The following RYR2 variants were observed in gnomAD, a reference collection of about 807,000 sequenced individuals.
RYR2 encodes the protein ryanodine receptor 2, also known as cardiac muscle ryanodine receptor-calcium release channel.
Under a neutral mutation model 601.1 loss-of-function variants are expected in RYR2, and 227 were observed. The observed-to-expected ratio is 0.38, with a 90% CI of 0.34 to 0.42. RYR2 has a LOEUF of 0.42. Ranked by LOEUF, RYR2 falls within the 10% of genes least tolerant of loss-of-function variation. RYR2 has a pLI of 1.00. For missense variants in RYR2, 4,646 were observed against 6,156.5 expected (o/e 0.75, Z 8.21); for synonymous variants, 2,223 against 2,175.1 (o/e 1.02, Z -0.61).
intron 96 of RYR2, among the ~76,000 whole-genome samples, chr1:237,797,113 C>T (rs1006443254): frequency 2.6e-5 from 4 of 151,036 alleles, no homozygotes; most frequent in Admixed American, 1.3e-4. Context: ...AAGACTCACT[C>T]AGGAGGTATA....
chr1:237,410,407 C>G (rs977864061), intron 10 of RYR2, among the ~76,000 whole-genome samples: 1 of 152,050 alleles, frequency 6.6e-6, no homozygotes, highest in East Asian at 1.9e-4. Flanking sequence ...ATGAAAGACC[C>G]TAGACCCTGG....
At chr1:237,775,966 T>G (rs933260530) in intron 87 of RYR2, among the ~76,000 whole-genome samples, 11 of 152,230 alleles carry the variant, frequency 7.2e-5, no homozygotes, top group African/African-American at 2.7e-4. Flanking sequence ...GGCTTGCAAC[T>G]CTGTCACATG....
chr1:237,392,944 A>C (rs1033946827), intron 10 of RYR2, among the ~76,000 whole-genome samples: 1 of 152,206 alleles, frequency 6.6e-6, no homozygotes, highest in Non-Finnish European at 1.5e-5. Context: ...TTATTTTCTC[A>C]AGAAGTTTAC....
intron 28 of RYR2, among the ~76,000 whole-genome samples, chr1:237,567,028 T>C (rs949442085): frequency 2.6e-5 from 4 of 152,308 alleles, no homozygotes; most frequent in Non-Finnish European, 5.9e-5. Flanking sequence ...TATCAAAATG[T>C]TAAAGATACA....
intron 77 of RYR2, among the ~76,000 whole-genome samples, chr1:237,731,296 T>C (rs1328140652): frequency 6.6e-6 from 1 of 152,112 alleles, no homozygotes; most frequent in African/African-American, 2.4e-5. Flanking sequence ...TTGGATGTAA[T>C]TGAATTCTGC....
chr1:237,454,274 C>A, intron 14 of RYR2, 117 bp from the exon 15 acceptor site: 2 of 1,021,628 alleles, frequency 2.0e-6, no homozygotes, highest in Non-Finnish European at 2.8e-6. Flanking sequence ...ACCTTTCTGA[C>A]ATGTCCCTTT....
At chr1:237,519,515 G>A (rs1261543187) in intron 24 of RYR2, among the ~76,000 whole-genome samples, 1 of 152,120 alleles carries the variant, frequency 6.6e-6, no homozygotes, top group Non-Finnish European at 1.5e-5. Flanking sequence ...AGTTTTCCCA[G>A]CAACATGTAT....
chr1:237,086,919 G>T (rs1666396825), intron 1 of RYR2, among the ~76,000 whole-genome samples: 1 of 152,172 alleles, frequency 6.6e-6, no homozygotes, highest in African/African-American at 2.4e-5. Context: ...TATCCCCGGA[G>T]GAACATGAAC....
In RYR2 at chr1:237,773,513, T is replaced by C. The variant is rs771126125; in HGVS notation, c.11647-7T>C. ...TGATAATAAATAATATCATCTCTAT[T>C]TCCCAGGAATCAATTAGTGACTTTT... On this transcript the variant is annotated splice_region_variant and splice_polypyrimidine_tract_variant and intron_variant, in intron 86 of 104. Coordinates refer to ENST00000366574, the MANE Select transcript of RYR2 (RefSeq NM_001035.3). The C allele has an allele frequency of 2.4e-5, 38 of 1,572,176 alleles. 3 individuals carry two copies. In the South Asian group the frequency reaches 4.2e-4, roughly 17 times the overall value.
rs2149943394 is a variant in RYR2, at chr1:237,402,814, CTCTATT to C, written c.774-14234_774-14229del. 9.1e-4 allele frequency among the ~76,000 whole-genome samples: 10 copies of C among 10,968 alleles called. No homozygotes were observed. In the South Asian group the frequency reaches 0.067, roughly 74 times the overall value. The allele number at this position is 10,968 out of a possible 152,430, so 7.2% of individuals were successfully genotyped here. On this transcript the variant is annotated intron_variant, in intron 10 of 104. Transcript: ENST00000366574. ...ATAGTCCCTGAGACTCAGAGTCTTA[CTCTATT>C]GGGCAGGCTGGAGTACAGCGGTGAA...
chr1:237,652,932 A>G (rs541593987), intron 51 of RYR2, among the ~76,000 whole-genome samples: 2 of 152,326 alleles, frequency 1.3e-5, no homozygotes, highest in East Asian at 3.9e-4. Flanking sequence ...ATATTTTAAC[A>G]GTAAGACATG....
At chr1:237,406,672 A>T (rs1366782262) in intron 10 of RYR2, among the ~76,000 whole-genome samples, 1 of 152,020 alleles carries the variant, frequency 6.6e-6, no homozygotes, top group Non-Finnish European at 1.5e-5. Flanking sequence ...GTATTACTAT[A>T]TTAGTATTTG....
Position 237,666,556 on chromosome 1 carries a change from C to T in RYR2, c.8481C>T (p.Asp2827=). 2 of 1,612,790 alleles carry T rather than the reference C, an allele frequency of 1.2e-6. No homozygotes were observed. The highest frequency in any genetic ancestry group is 1.7e-6 in the Non-Finnish European group (2 of 1,179,386). ...ATGGTTACAGTCCCCGGGCCATTGA[C>T]ATGAGCAATGTTACACTATCTAGAG... is the stretch of plus-strand genomic sequence containing the variant. ...AAHGYSPRAI[D]MSNVTLSRDL... is the part of the protein sequence containing the mutation. The change falls in exon 57 of 105, where the codon GAC becomes GAT. Residue 2827 remains aspartate (D), a synonymous_variant. Transcript: ENST00000366574.
intron 1 of RYR2, among the ~76,000 whole-genome samples, chr1:237,131,678 G>C (rs1672186139): frequency 6.6e-6 from 1 of 152,056 alleles, no homozygotes; most frequent in African/African-American, 2.4e-5. Flanking sequence ...TTGACAGGAT[G>C]GTAGCTAGCC....
In RYR2 at chr1:237,589,346, G is replaced by C. The variant is rs145215433; in HGVS notation, c.3599-447G>C. 1.3e-3 allele frequency among the ~76,000 whole-genome samples: 195 copies of C among 152,194 alleles called. 2 individuals carry two copies. The highest frequency in any genetic ancestry group is 4.4e-3 in the African/African-American group (184 of 41,512). On this transcript the variant is annotated intron_variant, in intron 29 of 104. Coordinates refer to ENST00000366574, the MANE Select transcript of RYR2 (RefSeq NM_001035.3). ...GAAATCTATAGCTCAGACTGTGTCT[G>C]GTGTTAGTATGTATCAAGCTCTTTA...
intron 1 of RYR2, chr1:237,267,601 TG>T: frequency 3.1e-6 from 1 of 326,072 alleles, no homozygotes. Context: ...GGTCCCTTTC[TG>T]GGCCCTAGAT....
intron 87 of RYR2, among the ~76,000 whole-genome samples, chr1:237,775,599 G>A (rs901784346): frequency 6.6e-6 from 1 of 152,098 alleles, no homozygotes; most frequent in African/African-American, 2.4e-5. Context: ...TATATAAGGG[G>A]GAGATCCAAC....
intron 2 of RYR2, among the ~76,000 whole-genome samples, chr1:237,275,896 T>TA: frequency 6.6e-6 from 1 of 152,030 alleles, no homozygotes; most frequent in East Asian, 1.9e-4. Flanking sequence ...ATCAGCCCCC[T>TA]AAAAAATAAA....
intron 24 of RYR2, among the ~76,000 whole-genome samples, chr1:237,519,467 A>G (rs1666880750): frequency 6.6e-6 from 1 of 152,106 alleles, no homozygotes; most frequent in African/African-American, 2.4e-5. Context: ...ATGGTGAGAG[A>G]TAGGGGACCA....
Sources: gnomAD v4.1 joint callset for allele counts (sites outside exome capture counted in the v4.1 genomes callset) on GRCh38, gnomAD v4.1.1 for gene constraint, MANE v1.5 for transcripts, NCBI Gene and HGNC (gene_info 2026-07-23, HGNC 2026-07-21) for gene names.